TOP6BL: variants seen among roughly 807,000 people sequenced by gnomAD.
The protein encoded by TOP6BL is TOP6B like initiator of meiotic double strand breaks, also known as type 2 DNA topoisomerase 6 subunit B-like.
chr11:66,818,091 G>C, the TOP6BL span, among the ~76,000 whole-genome samples: 1 of 152,064 alleles, frequency 6.6e-6, no homozygotes, highest in Non-Finnish European at 1.5e-5. Flanking sequence ...ATGTGTTTTC[G>C]TGGGACTCTA....
the TOP6BL span, among the ~76,000 whole-genome samples, chr11:66,825,146 G>A: frequency 5.3e-5 from 8 of 150,520 alleles, no homozygotes; most frequent in South Asian, 2.2e-4. Context: ...TTACAGGCCC[G>A]AGCTACTGTG....
the TOP6BL span, among the ~76,000 whole-genome samples, chr11:66,831,979 A>G: frequency 7.8e-6 from 1 of 128,058 alleles, no homozygotes; most frequent in Non-Finnish European, 1.6e-5. Flanking sequence ...CCTGGGCAAC[A>G]GAGTGAGACT....
chr11:66,787,654 A>G, the TOP6BL span, among the ~76,000 whole-genome samples: 1 of 149,966 alleles, frequency 6.7e-6, no homozygotes, highest in African/African-American at 2.5e-5. Flanking sequence ...CAGGAGGCGG[A>G]TGTTGCAGCG....
chr11:66,821,877 C>T, the TOP6BL span: 1 of 1,235,406 alleles, frequency 8.1e-7, no homozygotes, highest in Non-Finnish European at 1.1e-6. Flanking sequence ...TTCCTCTCCT[C>T]TTCTGTCACC....
At chr11:66,833,880 G>C in the TOP6BL span, among the ~76,000 whole-genome samples, 1 of 151,940 alleles carries the variant, frequency 6.6e-6, no homozygotes, top group South Asian at 2.1e-4. Flanking sequence ...TCTAGGGGGC[G>C]GAGGTTGCAG....
At chr11:66,834,303 A>G in the TOP6BL span, among the ~76,000 whole-genome samples, 1 of 152,194 alleles carries the variant, frequency 6.6e-6, no homozygotes, top group African/African-American at 2.4e-5. Flanking sequence ...TATTGTTAAC[A>G]CAGAGGACTA....
the TOP6BL span, among the ~76,000 whole-genome samples, chr11:66,789,783 A>G: frequency 1.3e-5 from 2 of 152,210 alleles, no homozygotes; most frequent in East Asian, 1.9e-4. Context: ...CAGACCAGAA[A>G]GTTGAGATTC....
the TOP6BL span, chr11:66,816,152 T>C: frequency 6.2e-7 from 1 of 1,608,528 alleles, no homozygotes; most frequent in Non-Finnish European, 8.5e-7. Context: ...CTTTTTCTCT[T>C]TGTGGATTTC....
the TOP6BL span, among the ~76,000 whole-genome samples, chr11:66,751,506 T>TC: frequency 6.6e-6 from 1 of 151,616 alleles, no homozygotes; most frequent in African/African-American, 2.4e-5. Flanking sequence ...TAATTTTTTT[T>TC]TTTTTTTTTT....
the TOP6BL span, chr11:66,822,591 T>G: frequency 3.9e-6 from 6 of 1,552,650 alleles, no homozygotes; most frequent in South Asian, 2.4e-5. Context: ...GGCCTCACTC[T>G]CAGTGGCTGT....
the TOP6BL span, among the ~76,000 whole-genome samples, chr11:66,779,757 C>T: frequency 1.3e-5 from 2 of 152,106 alleles, no homozygotes; most frequent in African/African-American, 4.8e-5. Context: ...GACTTGGAAC[C>T]AACCCAAATG....
the TOP6BL span, among the ~76,000 whole-genome samples, chr11:66,833,543 T>C: frequency 6.6e-6 from 1 of 152,128 alleles, no homozygotes; most frequent in Admixed American, 6.6e-5. Context: ...GCATGTGCTG[T>C]TATCATAGGA....
At chr11:66,821,260 G>A in the TOP6BL span, among the ~76,000 whole-genome samples, 2 of 151,042 alleles carry the variant, frequency 1.3e-5, no homozygotes, top group Admixed American at 6.7e-5. Flanking sequence ...TAGTAAACAA[G>A]TGTCTTAAAT....
chr11:66,821,111 C>G, the TOP6BL span, among the ~76,000 whole-genome samples: 1 of 152,088 alleles, frequency 6.6e-6, no homozygotes, highest in Non-Finnish European at 1.5e-5. Context: ...CTAAAGAACT[C>G]GGATTCCTCA....
chr11:66,745,798 GT>G, the TOP6BL span, among the ~76,000 whole-genome samples: 1 of 32,118 alleles, frequency 3.1e-5, no homozygotes, highest in East Asian at 6.4e-4. Context: ...TTTAGGGTTT[GT>G]TTGTTTGTTT....
the TOP6BL span, among the ~76,000 whole-genome samples, chr11:66,828,975 G>T: frequency 6.7e-3 from 810 of 120,388 alleles, 2 homozygotes; most frequent in Middle Eastern, 0.024. Flanking sequence ...TGTGTTTTTT[G>T]TTTTTTTTTT....
the TOP6BL span, among the ~76,000 whole-genome samples, chr11:66,831,805 C>A: frequency 6.6e-6 from 1 of 151,856 alleles, no homozygotes; most frequent in African/African-American, 2.4e-5. Context: ...GCCAGCCTGG[C>A]TAAGATGGTG....
chr11:66,797,105 T>C, the TOP6BL span, among the ~76,000 whole-genome samples: 1 of 151,932 alleles, frequency 6.6e-6, no homozygotes, highest in South Asian at 2.1e-4. Flanking sequence ...ATTCAAGCCA[T>C]TCTCCTGCCT....
chr11:66,796,903 G>A, the TOP6BL span, among the ~76,000 whole-genome samples: 1 of 150,638 alleles, frequency 6.6e-6, no homozygotes, highest in Non-Finnish European at 1.5e-5. Flanking sequence ...ATATTGCCTA[G>A]GCTAGTCTCT....
Sources: allele counts gnomAD v4.1 joint callset (sites outside exome capture counted in the v4.1 genomes callset), GRCh38; gene constraint gnomAD v4.1.1; transcripts MANE v1.5; gene names NCBI Gene and HGNC (gene_info 2026-07-23, HGNC 2026-07-21).